Variants in CDC14A observed in about 807,000 individuals in gnomAD.
The protein encoded by CDC14A is cell division cycle 14A.
Under a neutral mutation model 74.4 loss-of-function variants are expected in CDC14A, and 53 were observed. The observed-to-expected ratio is 0.71, with a 90% CI of 0.57 to 0.89. CDC14A has a LOEUF of 0.89. CDC14A is among the 40% of genes least tolerant of loss of function. The probability of loss-of-function intolerance (pLI) is 0.00; values close to 1 mark genes in which losing one functional copy is unlikely to be tolerated. For missense variants in CDC14A, 646 were observed against 713.7 expected (o/e 0.91, Z 1.08); for synonymous variants, 247 against 258.4 (o/e 0.96, Z 0.43).
At position 100,390,791 on chromosome 1, in the gene CDC14A, A is replaced by G. The variant is rs199907180; in HGVS notation, c.276A>G (p.Arg92=). The G allele has an allele frequency of 1.1e-5, 17 of 1,613,156 alleles. No individual in the cohort carries two copies. In the African/African-American group the frequency reaches 2.0e-4, roughly 19 times the overall value. The change falls in exon 4 of 16, where the codon AGA becomes AGG. Residue 92 remains arginine, a synonymous_variant. Coordinates refer to ENST00000336454, the MANE Select transcript of CDC14A (RefSeq NM_003672.4). ...ACACCTGTTTTGACCAACGGAAAAG[A>G]GCAAATGCAGCATTTTTGATAGGTG... The part of the protein sequence containing the change: ...VHYTCFDQRK[R]ANAAFLIGAY...
chr1:100,398,204 T>C (rs948591911), intron 4 of CDC14A, among the ~76,000 whole-genome samples: 7 of 152,218 alleles, frequency 4.6e-5, no homozygotes, highest in African/African-American at 1.7e-4. Context: ...TGTATGCACT[T>C]AGGAATGTCT....
intron 2 of CDC14A, among the ~76,000 whole-genome samples, chr1:100,364,763 G>T (rs1296461695): frequency 6.6e-6 from 1 of 152,182 alleles, no homozygotes; most frequent in Non-Finnish European, 1.5e-5. Context: ...CATTCCTGAA[G>T]AAGTCTCCTT....
rs1258200026 is a variant in CDC14A at position 100,365,728 on chromosome 1, A to G, written c.141-11818A>G. ...TGGTTATGCTAAAGGGCTTGAGCAA[A>G]AACTCAGACTAGTGCCCTCATCTGA... On this transcript the variant is annotated intron_variant, in intron 2 of 15. Transcript: ENST00000336454. 2.0e-5 allele frequency among the ~76,000 whole-genome samples: 3 copies of G among 152,142 alleles called. No homozygotes were observed. The East Asian group carries it at 5.8e-4, about 29-fold the overall frequency.
intron 11 of CDC14A, among the ~76,000 whole-genome samples, chr1:100,494,351 CA>C (rs1311264598): frequency 6.6e-6 from 1 of 152,198 alleles, no homozygotes; most frequent in African/African-American, 2.4e-5. Flanking sequence ...ACTAGTGTTA[CA>C]TGATTACTGT....
chr1:100,490,963 G>A (rs2101395697), intron 11 of CDC14A, among the ~76,000 whole-genome samples: 1 of 152,216 alleles, frequency 6.6e-6, no homozygotes, highest in South Asian at 2.1e-4. Context: ...CCTTTTGGAG[G>A]GCAATTTGAT....
In CDC14A at chr1:100,455,448, T is replaced by A. The variant is rs1161764625; in HGVS notation, c.563T>A (p.Phe188Tyr). ...TTCAACTGGATTGTTCCAGGAAAAT[T>A]TTTAGCATTTAGTGGACCACATCCT... is the stretch of plus-strand genomic sequence containing the variant. Reference protein sequence around the residue: ...GDFNWIVPGKFLAFSGPHPKS... With the variant: ...GDFNWIVPGKYLAFSGPHPKS... The change falls in exon 8 of 16, where the codon TTT (phenylalanine) becomes TAT (tyrosine). Residue 188 changes from phenylalanine (F) to tyrosine (Y), a missense_variant. By Grantham distance (22) the Phe-to-Tyr change is conservative. Transcript: ENST00000336454. 1 of 1,602,276 alleles carries A rather than the reference T, an allele frequency of 6.2e-7. No homozygotes were observed. Among genetic ancestry groups the A allele is most frequent in the Non-Finnish European group, 8.5e-7 (1 of 1,176,802 alleles).
chr1:100,472,414 C>CT (rs1668481259), intron 10 of CDC14A, among the ~76,000 whole-genome samples: 2 of 152,058 alleles, frequency 1.3e-5, no homozygotes, highest in African/African-American at 4.8e-5. Context: ...TAAGTGATAA[C>CT]TTGCTTTATA....
chr1:100,352,973 G>T lies in CDC14A; in HGVS notation c.19G>T (p.Glu7Ter). MAAESG[E>*]LIGACEFMKD... ...GCTTAAGATGGCAGCGGAGTCAGGGGAACTAATCGGGGCTTGTGAGTTCAT... is the reference window on the plus strand; with the variant it reads ...GCTTAAGATGGCAGCGGAGTCAGGGTAACTAATCGGGGCTTGTGAGTTCAT... The change falls in exon 1 of 16, where the codon GAA becomes TAA. Residue 7 changes from glutamate (E) to a stop codon, truncating the protein, a stop_gained. Coordinates refer to ENST00000336454, the MANE Select transcript of CDC14A (RefSeq NM_003672.4). LOFTEE classifies it high-confidence loss of function. 6.2e-7 allele frequency: 1 copy of T among 1,614,120 alleles called. No individual in the cohort carries two copies. The highest frequency in any genetic ancestry group is 8.5e-7 in the Non-Finnish European group (1 of 1,180,034).
chr1:100,507,687 T>A (rs1283551655), intron 15 of CDC14A, among the ~76,000 whole-genome samples: 2 of 151,996 alleles, frequency 1.3e-5, no homozygotes. Flanking sequence ...TTTTTTTTTT[T>A]AATAGAAGGA....
rs35385659 is a variant in CDC14A at position 100,499,154 on chromosome 1, C to T, written c.1647C>T (p.Ser549=). The change falls in exon 15 of 16, where the codon AGC becomes AGT. Residue 549 remains serine, a synonymous_variant. Transcript: ENST00000336454. Reference sequence around the variant, plus strand: ...ACAGCAACGGGGGCAACCTGAACAGCCCCCCAGGCCCCCACAGCGCCAAGA... The same window carrying T: ...ACAGCAACGGGGGCAACCTGAACAGTCCCCCAGGCCCCCACAGCGCCAAGA... ...SSNSNGGNLN[S]PPGPHSAKTE... 3,402 of 1,614,092 alleles carry T rather than the reference C, an allele frequency of 2.1e-3. 78 individuals are homozygous for T. The African/African-American group carries it at 0.04, about 19-fold the overall frequency.
chr1:100,462,670 T>G lies in CDC14A; in HGVS notation c.627T>G (p.Pro209=), dbSNP rs769918466. ...CTTTAGGTTATCCTCTTCACGCCCC[T>G]GAAGCCTACTTTCCTTATTTCAAAA... is the stretch of plus-strand genomic sequence containing the variant. ...KIENGYPLHA[P]EAYFPYFKKH... is the part of the protein sequence containing the mutation. Residue 209 remains proline (P), a synonymous_variant, in exon 9 of 16, where the codon CCT becomes CCG. Coordinates refer to ENST00000336454, the MANE Select transcript of CDC14A (RefSeq NM_003672.4). The G allele has an allele frequency of 2.5e-6, 4 of 1,614,036 alleles. No homozygotes were observed. The African/African-American group carries it at 5.3e-5, about 22-fold the overall frequency.
At chr1:100,439,526 T>C (rs1379883956) in intron 5 of CDC14A, among the ~76,000 whole-genome samples, 1 of 152,228 alleles carries the variant, frequency 6.6e-6, no homozygotes, top group African/African-American at 2.4e-5. Flanking sequence ...CCAGCCACTA[T>C]ATGAAGGACT....
intron 5 of CDC14A, among the ~76,000 whole-genome samples, chr1:100,428,229 G>T (rs1038392675): frequency 6.6e-6 from 1 of 152,148 alleles, no homozygotes; most frequent in Non-Finnish European, 1.5e-5. Context: ...TGAATTTCTG[G>T]CTTGTGTGAC....
intron 4 of CDC14A, among the ~76,000 whole-genome samples, chr1:100,405,018 A>G (rs1659766439): frequency 6.6e-6 from 1 of 152,210 alleles, no homozygotes; most frequent in Non-Finnish European, 1.5e-5. Flanking sequence ...TTCCATGTGA[A>G]TATACATACT....
At chr1:100,446,944 C>G (rs1217631486) in intron 7 of CDC14A, among the ~76,000 whole-genome samples, 2 of 152,174 alleles carry the variant, frequency 1.3e-5, no homozygotes, top group Non-Finnish European at 2.9e-5. Context: ...AGCAATCCGC[C>G]CACCTTGTCT....
At chr1:100,465,432 A>G (rs575111315) in intron 9 of CDC14A, among the ~76,000 whole-genome samples, 1 of 152,316 alleles carries the variant, frequency 6.6e-6, no homozygotes, top group African/African-American at 2.4e-5. Flanking sequence ...CTTTGGTTTA[A>G]TTACAGCTGT....
chr1:100,465,646 C>A (rs367926000), intron 9 of CDC14A, among the ~76,000 whole-genome samples: 1 of 152,152 alleles, frequency 6.6e-6, no homozygotes, highest in Non-Finnish European at 1.5e-5. Context: ...CATGCCTCAA[C>A]GTAAAGTATT....
At chr1:100,494,285 A>T (rs3767837) in intron 11 of CDC14A, among the ~76,000 whole-genome samples, 142,487 of 152,282 alleles carry the variant, frequency 0.94, 67,204 homozygotes, top group Non-Finnish European at 1. Flanking sequence ...TTTCAGAAGG[A>T]AAGATCTAGT....
chr1:100,379,344 T>A (rs1180880396), intron 3 of CDC14A, among the ~76,000 whole-genome samples: 2 of 152,246 alleles, frequency 1.3e-5, no homozygotes, highest in African/African-American at 4.8e-5. Context: ...ACACTCTCCT[T>A]GGTTCATTTT....
Sources: gnomAD v4.1 joint callset for allele counts (sites outside exome capture counted in the v4.1 genomes callset) on GRCh38, gnomAD v4.1.1 for gene constraint, MANE v1.5 for transcripts, NCBI Gene and HGNC (gene_info 2026-07-23, HGNC 2026-07-21) for gene names.